The following NEK11 variants were observed in gnomAD, a reference collection of about 807,000 sequenced individuals.
The protein encoded by NEK11 is serine/threonine-protein kinase Nek11.
Under a neutral mutation model 80.7 loss-of-function variants are expected in NEK11, and 72 were observed. That is an observed-to-expected ratio of 0.89 (90% CI 0.74 to 1.08). NEK11 has a LOEUF of 1.08. NEK11 is among the 50% of genes least tolerant of loss of function. NEK11 has a pLI of 0.00. For synonymous variants in NEK11, 251 were observed against 260.7 expected, an observed-to-expected ratio of 0.96 and a Z score of 0.36; for missense variants, 764 against 763.6, an observed-to-expected ratio of 1.00 and a Z score of -0.01.
chr3:131,235,941 AGT>A (rs1045895438), intron 15 of NEK11, among the ~76,000 whole-genome samples: 2 of 152,210 alleles, frequency 1.3e-5, no homozygotes, highest in African/African-American at 4.8e-5. Flanking sequence ...ACAGCTCCAA[AGT>A]GTGTGAAAAT....
intron 3 of NEK11, among the ~76,000 whole-genome samples, chr3:131,033,361 A>G (rs746590892): frequency 2.0e-5 from 3 of 152,178 alleles, no homozygotes; most frequent in Non-Finnish European, 4.4e-5. Context: ...AATACTTTAT[A>G]CAGACTTCTA....
At chr3:131,211,547 ATATCC>A (rs1320660489) in intron 14 of NEK11, among the ~76,000 whole-genome samples, 8 of 152,168 alleles carry the variant, frequency 5.3e-5, no homozygotes, top group African/African-American at 1.9e-4. Flanking sequence ...CTTCTGGATA[ATATCC>A]TGCAGAGTGT....
chr3:131,243,553 T>C, intron 16 of NEK11, 57 bp downstream of exon 16: 1 of 1,424,482 alleles, frequency 7.0e-7, no homozygotes, highest in Non-Finnish European at 9.9e-7. Flanking sequence ...TATCTTGGAA[T>C]AACTTGGAAG....
At chr3:131,332,659 A>T (rs1330857410) in intron 17 of NEK11, among the ~76,000 whole-genome samples, 3 of 152,242 alleles carry the variant, frequency 2.0e-5, no homozygotes, top group Non-Finnish European at 4.4e-5. Context: ...TCAGATGATC[A>T]AAATACTCCG....
chr3:131,278,550 T>C (rs1226006634), intron 17 of NEK11, among the ~76,000 whole-genome samples: 1 of 140,138 alleles, frequency 7.1e-6, no homozygotes, highest in Non-Finnish European at 1.5e-5. Flanking sequence ...AGTTTTTTGT[T>C]TTGTTTTGTT....
intron 4 of NEK11, among the ~76,000 whole-genome samples, chr3:131,082,517 C>T (rs957885398): frequency 1.3e-5 from 2 of 152,168 alleles, no homozygotes; most frequent in Non-Finnish European, 2.9e-5. Flanking sequence ...ATATAGTAGT[C>T]GCTAGTCATA....
intron 17 of NEK11, among the ~76,000 whole-genome samples, chr3:131,284,681 G>A (rs1255853970): frequency 6.6e-6 from 1 of 152,178 alleles, no homozygotes; most frequent in Non-Finnish European, 1.5e-5. Context: ...TAGAATAAAA[G>A]CAGGCAGAAG....
chr3:131,138,548 A>G (rs1427687905), intron 7 of NEK11, among the ~76,000 whole-genome samples: 1 of 152,096 alleles, frequency 6.6e-6, no homozygotes, highest in African/African-American at 2.4e-5. Context: ...GTAGAGCTCC[A>G]GGGCCTTGAG....
At chr3:131,329,530 A>T (rs2097035314) in intron 17 of NEK11, 1 of 152,180 alleles carries the variant, frequency 6.6e-6, no homozygotes, top group Non-Finnish European at 1.5e-5. Flanking sequence ...GTGATAAATC[A>T]TAAAATATTA....
At chr3:131,108,904 C>A (rs1283826247) in intron 4 of NEK11, among the ~76,000 whole-genome samples, 1 of 152,038 alleles carries the variant, frequency 6.6e-6, no homozygotes, top group Non-Finnish European at 1.5e-5. Context: ...ACTACAGCAG[C>A]TATATGCACA....
At chr3:131,029,248 A>C (rs545558033) in intron 2 of NEK11, among the ~76,000 whole-genome samples, 2 of 152,250 alleles carry the variant, frequency 1.3e-5, no homozygotes, top group East Asian at 3.8e-4. Context: ...GTTGATGCAG[A>C]TGTATAGATT....
chr3:131,063,738 G>A (rs1218842754), intron 3 of NEK11, among the ~76,000 whole-genome samples: 1 of 152,136 alleles, frequency 6.6e-6, no homozygotes, highest in Non-Finnish European at 1.5e-5. Context: ...TTATCCTTGA[G>A]CTTGAGGAAA....
chr3:131,119,888 G>A (rs2082059060), intron 5 of NEK11, among the ~76,000 whole-genome samples: 1 of 152,126 alleles, frequency 6.6e-6, no homozygotes, highest in Non-Finnish European at 1.5e-5. Flanking sequence ...ACATGAGAGG[G>A]ATCTCCTGAA....
intron 3 of NEK11, among the ~76,000 whole-genome samples, chr3:131,057,333 T>G (rs1204122466): frequency 1.3e-5 from 2 of 152,288 alleles, no homozygotes; most frequent in African/African-American, 2.4e-5. Flanking sequence ...TTGTGAATAA[T>G]GCCGCAGTAA....
intron 3 of NEK11, among the ~76,000 whole-genome samples, chr3:131,078,525 T>C (rs1366775296): frequency 6.6e-6 from 1 of 152,146 alleles, no homozygotes; most frequent in Non-Finnish European, 1.5e-5. Context: ...TATACAATAG[T>C]GTGCTGACTG....
intron 4 of NEK11, among the ~76,000 whole-genome samples, chr3:131,108,441 C>T (rs1352997955): frequency 6.6e-6 from 1 of 152,136 alleles, no homozygotes; most frequent in East Asian, 1.9e-4. Context: ...AAAGACTAAA[C>T]ACAGTTAACA....
chr3:131,204,233 C>G (rs1018616106), intron 14 of NEK11, among the ~76,000 whole-genome samples: 1 of 152,086 alleles, frequency 6.6e-6, no homozygotes. Context: ...CATGGATGCT[C>G]CATGCCACTT....
At chr3:131,147,866 T>C (rs1267745978) in intron 7 of NEK11, among the ~76,000 whole-genome samples, 1 of 151,978 alleles carries the variant, frequency 6.6e-6, no homozygotes, top group Non-Finnish European at 1.5e-5. Flanking sequence ...GCATTATTGC[T>C]TTGGGAAGCA....
intron 17 of NEK11, among the ~76,000 whole-genome samples, chr3:131,296,995 C>A (rs2096601106): frequency 6.6e-6 from 1 of 152,178 alleles, no homozygotes; most frequent in Non-Finnish European, 1.5e-5. Flanking sequence ...ATGAACTCAT[C>A]ATTTTTTATG....
Sources: gnomAD v4.1 joint callset for allele counts (sites outside exome capture counted in the v4.1 genomes callset) on GRCh38, gnomAD v4.1.1 for gene constraint, MANE v1.5 for transcripts, NCBI Gene and HGNC (gene_info 2026-07-23, HGNC 2026-07-21) for gene names.